The following CLIC2 variants were observed in gnomAD, a reference collection of about 807,000 sequenced individuals.
The protein encoded by CLIC2 is chloride intracellular channel protein 2.
Under a neutral mutation model 14.8 loss-of-function variants are expected in CLIC2, and 9 were observed. That is an observed-to-expected ratio of 0.61 (90% confidence interval 0.37 to 1.06). The LOEUF (loss-of-function observed/expected upper bound fraction) is 1.06. Among genes scored for constraint, CLIC2 ranks in the 50% least tolerant of loss-of-function variants. The pLI, the probability that CLIC2 is intolerant of heterozygous loss-of-function variation, is 0.01. For missense variants in CLIC2, 148 were observed against 181.4 expected, an observed-to-expected ratio of 0.82 and a Z score of 1.06; for synonymous variants, 61 against 66.3, an observed-to-expected ratio of 0.92 and a Z score of 0.39.
chrX:155,299,322 T>C (rs1213564072), intron 1 of CLIC2, among the ~76,000 whole-genome samples, 177 bp from the exon 2 acceptor site: 1 of 110,503 alleles, frequency 9.0e-6, no homozygotes, highest in African/African-American at 3.3e-5. Flanking sequence ...TATGTAAAGT[T>C]ACAACTGTGA....
chrX:155,297,884 A>AAAAAAAAAAAAAAAAAGAAAAAAAAG lies in CLIC2; in HGVS notation c.293+900_293+901insCTTTTTTTTCTTTTTTTTTTTTTTTT, dbSNP rs1557318527. 4.4e-5 allele frequency among the ~76,000 whole-genome samples: 2 copies of AAAAAAAAAAAAAAAAAGAAAAAAAAG among 45,217 alleles called. 1 individual carries two copies. The highest frequency in any genetic ancestry group is 9.7e-5 in the Non-Finnish European group (2 of 20,618). The allele number at this position is 45,217 out of a possible 115,157, so 39.3% of individuals were successfully genotyped here. On this transcript the variant is annotated intron_variant, in intron 3 of 5. Coordinates refer to ENST00000369449, the MANE Select transcript of CLIC2 (RefSeq NM_001289.6). ...TCAAAAAAAAAAAAAAAAAAAAAAAAAAGAAGGTGAACCATCAGAGAGACA... is the reference window on the plus strand; with the variant it reads ...TCAAAAAAAAAAAAAAAAAAAAAAAAAAAAAAAAAAAAAAAAGAAAAAAAAGAAGAAGGTGAACCATCAGAGAGACA...
At chrX:155,313,725 C>T (rs2075083385) in intron 1 of CLIC2, among the ~76,000 whole-genome samples, 1 of 111,698 alleles carries the variant, frequency 9.0e-6, no homozygotes, top group Non-Finnish European at 1.9e-5. Flanking sequence ...CTGCATGCTC[C>T]CTGAGATGCT....
chrX:155,329,709 T>G (rs1235279331), intron 1 of CLIC2, among the ~76,000 whole-genome samples: 1 of 109,566 alleles, frequency 9.1e-6, no homozygotes, highest in Non-Finnish European at 1.9e-5. Context: ...AGAAAGGAAA[T>G]CAGCATATCA....
intron 3 of CLIC2, among the ~76,000 whole-genome samples, chrX:155,297,884 A>AAAAAAAAAAAAAAAAAG (rs1557318527): frequency 0.14 from 6,501 of 45,069 alleles, 2,299 homozygotes; most frequent in Non-Finnish European, 0.26. Flanking sequence ...AAAAAAAAAA[A>AAAAAAAAAAAAAAAAAG]AAGAAGGTGA....
chrX:155,330,877 G>T lies in CLIC2; in HGVS notation c.57+3494C>A, dbSNP rs189972800. 6.7e-4 allele frequency among the ~76,000 whole-genome samples: 74 copies of T among 110,255 alleles called. No homozygotes were observed. In the East Asian group the frequency reaches 0.02, roughly 30 times the overall value. ...AATCACCAAGAATTATGATAGGAAA[G>T]ACTAGAGAGAGTAGCCTATAGAAGG... On this transcript the variant is annotated intron_variant, in intron 1 of 5. Transcript: ENST00000369449.
Position 155,334,475 on chromosome X carries a change from A to G in CLIC2, c.-48T>C. ...CAGCCTCCTGCCTCCTGTAGAGTCC[A>G]CAATACTTGTAGACTCTTTTCTCAA... On this transcript the variant is annotated 5_prime_UTR_variant, in exon 1 of 6. Transcript: ENST00000369449. 9.8e-7 allele frequency: 1 copy of G among 1,019,355 alleles called. No homozygotes were observed. Among genetic ancestry groups the G allele is most frequent in the Middle Eastern group, 2.7e-4 (1 of 3,693 alleles). 84.0% of individuals were successfully genotyped at this position (1,019,355 alleles called of 1,213,427 possible).
At chrX:155,280,990 G>GATAGATAT (rs1557316383) in intron 3 of CLIC2, among the ~76,000 whole-genome samples, 1 of 89,918 alleles carries the variant, frequency 1.1e-5, no homozygotes, top group Non-Finnish European at 2.2e-5. Context: ...GAAATTGTGA[G>GATAGATAT]ATATATATAT....
At chrX:155,285,984 A>C (rs2074941286) in intron 3 of CLIC2, among the ~76,000 whole-genome samples, 1 of 110,424 alleles carries the variant, frequency 9.1e-6, no homozygotes, top group African/African-American at 3.3e-5. Context: ...TATTTCATTA[A>C]AAAAATTTAT....
intron 1 of CLIC2, among the ~76,000 whole-genome samples, chrX:155,320,422 G>A (rs1376643349): frequency 2.7e-5 from 3 of 111,930 alleles, no homozygotes; most frequent in South Asian, 3.8e-4. Context: ...CAAATAGGTC[G>A]GGAGTGGACC....
At chrX:155,310,528 C>G (rs2075070327) in intron 1 of CLIC2, 1 of 191,587 alleles carries the variant, frequency 5.2e-6, no homozygotes, top group South Asian at 9.0e-5. Context: ...GGTACAGCCT[C>G]TCTCCTGGTT....
At chrX:155,292,476 G>A (rs990090929) in intron 3 of CLIC2, 48 of 649,997 alleles carry the variant, frequency 7.4e-5, no homozygotes, top group Non-Finnish European at 8.9e-5. Context: ...GAAAGTTGAA[G>A]CCAGTAAAGT....
chrX:155,325,851 G>A (rs1040888885), intron 1 of CLIC2, among the ~76,000 whole-genome samples: 2 of 81,986 alleles, frequency 2.4e-5, no homozygotes, highest in African/African-American at 9.1e-5. Flanking sequence ...CCATAAAAAG[G>A]CACTAAATAA....
At chrX:155,315,570 G>A (rs782524479) in intron 1 of CLIC2, among the ~76,000 whole-genome samples, 4 of 111,257 alleles carry the variant, frequency 3.6e-5, no homozygotes, top group Non-Finnish European at 5.7e-5. Flanking sequence ...GGGAGAATTC[G>A]CCACTACCAA....
At chrX:155,303,128 G>A (rs2075027631) in intron 1 of CLIC2, among the ~76,000 whole-genome samples, 1 of 94,374 alleles carries the variant, frequency 1.1e-5, no homozygotes, top group African/African-American at 3.7e-5. Context: ...CAATTCCTGG[G>A]TATCCTTGTT....
chrX:155,323,332 C>A (rs892049819), intron 1 of CLIC2, among the ~76,000 whole-genome samples: 14 of 112,029 alleles, frequency 1.2e-4, no homozygotes, highest in African/African-American at 3.9e-4. Context: ...GCTTATTCAC[C>A]ATGATCAAGT....
chrX:155,295,378 A>G (rs1557318230), intron 3 of CLIC2, among the ~76,000 whole-genome samples: 1 of 111,270 alleles, frequency 9.0e-6, no homozygotes, highest in Non-Finnish European at 1.9e-5. Context: ...CAAAATAATA[A>G]AGGCTATATA....
chrX:155,299,386 T>C (rs1208132227), intron 1 of CLIC2, among the ~76,000 whole-genome samples: 4 of 110,703 alleles, frequency 3.6e-5, no homozygotes, highest in African/African-American at 6.5e-5. Context: ...TTATATAATT[T>C]TCCTATTGAT....
intron 1 of CLIC2, among the ~76,000 whole-genome samples, chrX:155,311,264 C>T (rs1336548131): frequency 8.9e-6 from 1 of 111,960 alleles, no homozygotes; most frequent in African/African-American, 3.2e-5. Context: ...ATGCTTTTAA[C>T]AGTACCCAAG....
chrX:155,321,402 C>T (rs1359256714), intron 1 of CLIC2, among the ~76,000 whole-genome samples: 2 of 111,416 alleles, frequency 1.8e-5, no homozygotes, highest in East Asian at 5.6e-4. Flanking sequence ...AGAGTGGGGG[C>T]CAATATTCAA....
Sources: allele counts gnomAD v4.1 joint callset (sites outside exome capture counted in the v4.1 genomes callset), GRCh38; gene constraint gnomAD v4.1.1; transcripts MANE v1.5; gene names NCBI Gene and HGNC (gene_info 2026-07-23, HGNC 2026-07-21).